PARPBP: variants seen among roughly 807,000 people sequenced by gnomAD.
The protein encoded by PARPBP is PARP1 binding protein, also known as PCNA-interacting partner.
PARPBP carries 52 observed loss-of-function variants against 50.0 expected under a neutral mutation model. The ratio of observed to expected loss-of-function variants is 1.04; its 90% CI spans 0.83 to 1.31. The LOEUF (loss-of-function observed/expected upper bound fraction) is 1.31, where lower values mean the gene tolerates loss of function less well. Among genes scored for constraint, PARPBP ranks in the 50% most tolerant of loss-of-function variants. The pLI is 0.00. For missense variants in PARPBP, 697 were observed against 672.0 expected (o/e 1.04, Z -0.41); for synonymous variants, 244 against 232.1 (o/e 1.05, Z -0.47).
intron 2 of PARPBP, among the ~76,000 whole-genome samples, chr12:102,138,572 T>C (rs1206531666): frequency 2.6e-5 from 4 of 152,194 alleles, no homozygotes; most frequent in Non-Finnish European, 5.9e-5. Flanking sequence ...CATGCCTATG[T>C]CCTGAATGGT....
In PARPBP at chr12:102,148,214, GCA is replaced by G; in HGVS notation, c.154-15_154-14del. ...CCCAACTTTATTTTTTTTTTTTTTG[GCA>G]TTATCTTTTTCAGCACAGTGGAGAA... On this transcript the variant is annotated splice_polypyrimidine_tract_variant and intron_variant, in intron 2 of 10. Transcript: ENST00000327680. 2.0e-6 allele frequency: 2 copies of G among 1,023,382 alleles called. No individual in the cohort carries two copies. The highest frequency in any genetic ancestry group is 2.8e-6 in the Non-Finnish European group (2 of 718,308). The allele number at this position is 1,023,382 out of a possible 1,614,324, so 63.4% of individuals were successfully genotyped here. A position where few individuals can be genotyped will look rare whatever the true frequency, so the allele number is the denominator to read the frequency against.
chr12:102,174,033 T>C (rs1028435541), intron 6 of PARPBP, among the ~76,000 whole-genome samples: 1 of 151,606 alleles, frequency 6.6e-6, no homozygotes, highest in East Asian at 1.9e-4. Context: ...TTGTTGCATG[T>C]GATAGTATTC....
Position 102,196,565 on chromosome 12 carries a change from A to G in PARPBP, c.*274A>G, listed in dbSNP as rs1369692461. The G allele has an allele frequency of 2.1e-6, 2 of 937,616 alleles. No homozygotes were observed. The highest frequency in any genetic ancestry group is 4.8e-5 in the East Asian group (2 of 41,838). The allele number at this position is 937,616 out of a possible 1,614,324, so 58.1% of individuals were successfully genotyped here. Reference sequence around the variant, plus strand: ...TTAAAACAGACATTTAACATACACAAGTTATAGTAGCAGTATGGGCTTCTC... The same window carrying G: ...TTAAAACAGACATTTAACATACACAGGTTATAGTAGCAGTATGGGCTTCTC... On this transcript the variant is annotated 3_prime_UTR_variant, in exon 11 of 11. Coordinates refer to ENST00000327680, the MANE Select transcript of PARPBP (RefSeq NM_017915.5).
intron 9 of PARPBP, among the ~76,000 whole-genome samples, chr12:102,186,902 G>T (rs1361229900): frequency 6.6e-6 from 1 of 151,724 alleles, no homozygotes; most frequent in Admixed American, 6.6e-5. Flanking sequence ...AAACTGGACT[G>T]GCTAGAACTC....
rs141361473 is a variant in PARPBP, at chr12:102,147,524, A to G, written c.154-706A>G. Among the ~76,000 whole-genome samples, 949 of 135,896 alleles carry G rather than the reference A, an allele frequency of 7.0e-3. 11 individuals carry two copies. Among genetic ancestry groups the G allele is most frequent in the African/African-American group, 0.025 (910 of 36,728 alleles). The allele number at this position is 135,896 out of a possible 152,430, so 89.2% of individuals were successfully genotyped here. A position where few individuals can be genotyped will look rare whatever the true frequency, so the allele number is the denominator to read the frequency against. On this transcript the variant is annotated intron_variant, in intron 2 of 10. Coordinates refer to ENST00000327680, the MANE Select transcript of PARPBP (RefSeq NM_017915.5). ...AGATGGAATTGAACAATGAGAACAC[A>G]TGGACACAGGAAGGGGAACATCACA... is the stretch of plus-strand genomic sequence containing the variant.
chr12:102,182,621 A>T lies in PARPBP; in HGVS notation c.1257A>T (p.Lys419Asn). The T allele has an allele frequency of 6.2e-7, 1 of 1,604,048 alleles. No individual in the cohort carries two copies. The highest frequency in any genetic ancestry group is 1.1e-5 in the South Asian group (1 of 90,596). Residue 419 changes from lysine (K) to asparagine (N), a missense_variant, in exon 9 of 11, where the codon AAA (lysine) becomes AAT (asparagine). Transcript: ENST00000327680. ...ERICVSMQEK[K>N]IKMKQTLIRS... is the part of the protein sequence containing the mutation. ...TCTGTGTGTCAATGCAAGAGAAAAA[A>T]ATTAAGGTACAATTTAATGCATGCC... is the stretch of plus-strand genomic sequence containing the variant.
intron 2 of PARPBP, among the ~76,000 whole-genome samples, chr12:102,133,826 G>A (rs1456386267): frequency 6.6e-6 from 1 of 151,992 alleles, no homozygotes; most frequent in Non-Finnish European, 1.5e-5. Flanking sequence ...CTAGAAATCT[G>A]TAACAGGAAG....
intron 2 of PARPBP, among the ~76,000 whole-genome samples, chr12:102,142,009 T>A (rs12422618): frequency 0.036 from 5,429 of 152,260 alleles, 384 homozygotes; most frequent in East Asian, 0.29. Flanking sequence ...GTTCTCTGTA[T>A]TTCCTGAATT....
intron 2 of PARPBP, among the ~76,000 whole-genome samples, chr12:102,133,446 T>C (rs1883163864): frequency 1.3e-5 from 2 of 152,174 alleles, no homozygotes; most frequent in African/African-American, 4.8e-5. Flanking sequence ...ATGTTTTGTT[T>C]ATAGATTTGC....
At chr12:102,158,120 CAAAAAAAAAAAAAA>C (rs55962862) in intron 4 of PARPBP, among the ~76,000 whole-genome samples, 2 of 47,992 alleles carry the variant, frequency 4.2e-5, no homozygotes, top group African/African-American at 1.7e-4. Flanking sequence ...GACTCCATCT[CAAAAAAAAAAAAAA>C]AAAAAAAAAG....
chr12:102,129,803 G>T (rs184823404), intron 2 of PARPBP, among the ~76,000 whole-genome samples: 138 of 152,126 alleles, frequency 9.1e-4, no homozygotes, highest in Non-Finnish European at 1.5e-3. Context: ...TTTGCCTCTA[G>T]ACTTGACTAC....
intron 3 of PARPBP, among the ~76,000 whole-genome samples, chr12:102,149,539 T>G: frequency 6.6e-6 from 1 of 152,216 alleles, no homozygotes; most frequent in African/African-American, 2.4e-5. Context: ...GCACTTTGCT[T>G]TTCTCTTAAG....
At chr12:102,137,643 A>G (rs749670706) in intron 2 of PARPBP, among the ~76,000 whole-genome samples, 16 of 151,772 alleles carry the variant, frequency 1.1e-4, no homozygotes, top group Non-Finnish European at 2.2e-4. Context: ...TCCTAATGCT[A>G]TCCCTCCCCG....
chr12:102,162,482 G>A (rs1887700209), intron 4 of PARPBP, among the ~76,000 whole-genome samples: 1 of 152,122 alleles, frequency 6.6e-6, no homozygotes, highest in Admixed American at 6.5e-5. Context: ...AGGTGGGATC[G>A]AAGTAGTTGA....
At chr12:102,182,768 G>A in intron 9 of PARPBP, 141 bp downstream of exon 9, 1 of 663,048 alleles carries the variant, frequency 1.5e-6, no homozygotes, top group Non-Finnish European at 2.6e-6. Context: ...AATGAGTTAT[G>A]ACAGTTGACG....
At chr12:102,144,946 G>A (rs187026340) in intron 2 of PARPBP, among the ~76,000 whole-genome samples, 52 of 152,192 alleles carry the variant, frequency 3.4e-4, no homozygotes, top group African/African-American at 1.0e-3. Context: ...CATTGAACTA[G>A]TTTCATGAAA....
At chr12:102,132,670 GT>G (rs1473347277) in intron 2 of PARPBP, among the ~76,000 whole-genome samples, 1 of 152,020 alleles carries the variant, frequency 6.6e-6, no homozygotes, top group Non-Finnish European at 1.5e-5. Flanking sequence ...TTTTAAAATT[GT>G]TTTTTCTATT....
chr12:102,164,410 G>C (rs755774220), intron 4 of PARPBP, 28 bp from the exon 5 acceptor site: 1 of 1,550,982 alleles, frequency 6.4e-7, no homozygotes, highest in Admixed American at 1.7e-5. Flanking sequence ...CTGCAATAAA[G>C]AAATTAACTG....
At chr12:102,184,701 A>G (rs537819239) in intron 9 of PARPBP, among the ~76,000 whole-genome samples, 32 of 152,314 alleles carry the variant, frequency 2.1e-4, no homozygotes, top group Non-Finnish European at 3.5e-4. Flanking sequence ...CAAGAAAGGA[A>G]AGCATTGCTT....
Sources: gnomAD v4.1 joint callset for allele counts (sites outside exome capture counted in the v4.1 genomes callset) on GRCh38, gnomAD v4.1.1 for gene constraint, MANE v1.5 for transcripts, NCBI Gene and HGNC (gene_info 2026-07-23, HGNC 2026-07-21) for gene names.